Variants in CLNK observed in about 807,000 individuals in gnomAD.
The protein encoded by CLNK is cytokine dependent hematopoietic cell linker.
In CLNK, 74 loss-of-function variants were observed where a neutral mutation model predicts 68.6. That is an observed-to-expected ratio of 1.08 (90% confidence interval 0.89 to 1.31). CLNK has a LOEUF of 1.31. Among genes scored for constraint, CLNK ranks in the 50% most tolerant of loss-of-function variants. The pLI is 0.00. For missense variants in CLNK, 553 were observed against 515.3 expected, an observed-to-expected ratio of 1.07 and a Z score of -0.71; for synonymous variants, 198 against 172.2, an observed-to-expected ratio of 1.15 and a Z score of -1.17.
intron 2 of CLNK, among the ~76,000 whole-genome samples, chr4:10,619,059 A>C (rs1722331436): frequency 1.3e-5 from 2 of 152,338 alleles, no homozygotes; most frequent in South Asian, 4.1e-4. Flanking sequence ...TGAGTGTCTC[A>C]GGCTCTGTCT....
At chr4:10,528,174 G>A (rs1478739116) in intron 12 of CLNK, 80 bp from the exon 13 acceptor site, 1 of 635,342 alleles carries the variant, frequency 1.6e-6, no homozygotes, top group Non-Finnish European at 2.3e-6. Context: ...TGTTTTTAGA[G>A]CATTTGGTTG....
At chr4:10,573,442 C>T (rs1455631808) in intron 4 of CLNK, among the ~76,000 whole-genome samples, 2 of 152,168 alleles carry the variant, frequency 1.3e-5, no homozygotes, top group African/African-American at 2.4e-5. Flanking sequence ...ACTGATGACA[C>T]CTTCCTGACC....
At chr4:10,646,570 A>G (rs1441133594) in intron 2 of CLNK, among the ~76,000 whole-genome samples, 4 of 152,220 alleles carry the variant, frequency 2.6e-5, no homozygotes, top group African/African-American at 9.6e-5. Context: ...GGCCTGTGAA[A>G]GACAGAAATG....
intron 15 of CLNK, among the ~76,000 whole-genome samples, 179 bp from the exon 16 acceptor site, chr4:10,513,776 C>T (rs901433369): frequency 6.6e-6 from 1 of 151,548 alleles, no homozygotes; most frequent in Non-Finnish European, 1.5e-5. Context: ...CTACCTGTAG[C>T]TTTGCCCTTC....
At chr4:10,705,367 T>C in the CLNK span, among the ~76,000 whole-genome samples, 11 of 152,348 alleles carry the variant, frequency 7.2e-5, no homozygotes, top group African/African-American at 2.2e-4. Flanking sequence ...GCCAAAATCA[T>C]AGTGGCTTAA....
chr4:10,568,340 T>C (rs1339328595), intron 5 of CLNK, among the ~76,000 whole-genome samples: 1 of 152,144 alleles, frequency 6.6e-6, no homozygotes, highest in Non-Finnish European at 1.5e-5. Flanking sequence ...GAGGAGGATC[T>C]ATAGATAAAG....
At chr4:10,549,432 G>C (rs1375540553) in intron 8 of CLNK, among the ~76,000 whole-genome samples, 1 of 152,178 alleles carries the variant, frequency 6.6e-6, no homozygotes, top group Non-Finnish European at 1.5e-5. Context: ...AAAGGAGGGT[G>C]AGCTTTGGAA....
At chr4:10,653,839 C>G (rs1723850633) in intron 2 of CLNK, among the ~76,000 whole-genome samples, 1 of 152,174 alleles carries the variant, frequency 6.6e-6, no homozygotes, top group Non-Finnish European at 1.5e-5. Flanking sequence ...ATAGGCACAA[C>G]AGACTTTAAA....
Position 10,667,915 on chromosome 4 carries a change from T to C in CLNK, c.-42-4A>G. On this transcript the variant is annotated splice_polypyrimidine_tract_variant and splice_region_variant and intron_variant, in intron 1 of 18. Coordinates refer to ENST00000226951, the MANE Select transcript of CLNK (RefSeq NM_052964.4). ...TAAGAGGGATCTTCAATTCAGCCTG[T>C]GGAAACAAAAGCAAACGCGTTACTG... 1.5e-6 allele frequency: 2 copies of C among 1,378,094 alleles called. No individual in the cohort carries two copies. Among genetic ancestry groups the C allele is most frequent in the Non-Finnish European group, 1.9e-6 (2 of 1,047,658 alleles). The allele number at this position is 1,378,094 out of a possible 1,614,324, so 85.4% of individuals were successfully genotyped here.
At chr4:10,611,138 T>G (rs1377622186) in intron 2 of CLNK, among the ~76,000 whole-genome samples, 2 of 152,128 alleles carry the variant, frequency 1.3e-5, no homozygotes, top group East Asian at 3.9e-4. Flanking sequence ...CCCAACATGG[T>G]GAAACCCCGT....
chr4:10,671,152 G>A (rs558188514), intron 1 of CLNK, among the ~76,000 whole-genome samples: 10 of 152,092 alleles, frequency 6.6e-5, no homozygotes, highest in Admixed American at 2.6e-4. Flanking sequence ...TTGGGAGGCC[G>A]AGGCGACTGG....
intron 1 of CLNK, among the ~76,000 whole-genome samples, chr4:10,671,402 A>G (rs1380009904): frequency 1.3e-5 from 2 of 152,088 alleles, no homozygotes; most frequent in Non-Finnish European, 2.9e-5. Flanking sequence ...AAAAAGAAGA[A>G]AGCAGAATTT....
Position 10,630,461 on chromosome 4 carries a change from T to C in CLNK, c.12-32412A>G, listed in dbSNP as rs139425204. On this transcript the variant is annotated intron_variant, in intron 2 of 18. Transcript: ENST00000226951. Reference sequence around the variant, plus strand: ...CAGAAGCTCAGAGTCGTTTCCACTCTTTCTGCTCACTCTACACCAAACTCT... The same window carrying C: ...CAGAAGCTCAGAGTCGTTTCCACTCCTTCTGCTCACTCTACACCAAACTCT... Among the ~76,000 whole-genome samples the C allele has an allele frequency of 7.6e-3, 1,147 of 151,738 alleles. 7 individuals carry two copies. The highest frequency in any genetic ancestry group is 0.024 in the Middle Eastern group (7 of 294).
chr4:10,604,098 C>T (rs1328962293), intron 2 of CLNK, among the ~76,000 whole-genome samples: 2 of 152,154 alleles, frequency 1.3e-5, no homozygotes, highest in African/African-American at 2.4e-5. Flanking sequence ...TCCCATTTTG[C>T]ACATGGGGAA....
In CLNK at chr4:10,578,547, T is replaced by C. The variant is rs186866694; in HGVS notation, c.112+6380A>G. 5.9e-3 allele frequency among the ~76,000 whole-genome samples: 890 copies of C among 151,732 alleles called. 5 individuals are homozygous for C. The highest frequency in any genetic ancestry group is 9.6e-3 in the Non-Finnish European group (650 of 67,912). On this transcript the variant is annotated intron_variant, in intron 4 of 18. Coordinates refer to ENST00000226951, the MANE Select transcript of CLNK (RefSeq NM_052964.4). ...TACTTTGCTGATGTCTTTCCAAACT[T>C]TCTGACTTCTCTTGGACTTGGCTTA...
intron 4 of CLNK, among the ~76,000 whole-genome samples, chr4:10,575,101 A>T (rs139993916): frequency 1.2e-3 from 185 of 151,802 alleles, no homozygotes; most frequent in Middle Eastern, 6.8e-3. Context: ...ATAAATTTCC[A>T]CTTGTCCGTA....
intron 2 of CLNK, among the ~76,000 whole-genome samples, chr4:10,608,847 A>T (rs1462169043): frequency 6.6e-6 from 1 of 152,094 alleles, no homozygotes. Context: ...GTCCAAAATC[A>T]AGCTACCCTT....
At chr4:10,588,513 A>G (rs574254150) in intron 3 of CLNK, among the ~76,000 whole-genome samples, 109 of 152,348 alleles carry the variant, frequency 7.2e-4, no homozygotes, top group African/African-American at 2.6e-3. Context: ...CAAACAGAAA[A>G]TAAAATAACT....
At chr4:10,707,373 A>G in the CLNK span, among the ~76,000 whole-genome samples, 1 of 152,226 alleles carries the variant, frequency 6.6e-6, no homozygotes, top group Admixed American at 6.5e-5. Flanking sequence ...AACTCTTTCA[A>G]TCAATTGCCA....
Sources: allele counts gnomAD v4.1 joint callset (sites outside exome capture counted in the v4.1 genomes callset), GRCh38; gene constraint gnomAD v4.1.1; transcripts MANE v1.5; gene names NCBI Gene and HGNC (gene_info 2026-07-23, HGNC 2026-07-21).